Variants in PCNX2 observed in about 807,000 individuals in gnomAD.
PCNX2 encodes pecanex-like protein 2.
PCNX2 carries 168 observed loss-of-function variants against 223.8 expected under a neutral mutation model. That is an observed-to-expected ratio of 0.75 (90% CI 0.66 to 0.85). The LOEUF is 0.85. Among genes scored for constraint, PCNX2 ranks in the 40% least tolerant of loss-of-function variants. The pLI is 0.00. For synonymous variants in PCNX2, 1,006 were observed against 1,052.6 expected (o/e 0.96, Z 0.86); for missense variants, 2,507 against 2,675.5 (o/e 0.94, Z 1.39).
In PCNX2 at chr1:233,001,763, A is replaced by C; in HGVS notation, c.4953-82T>G. ...CAAAGTTTGAGTCTCCCATTTGTCT[A>C]AGAATTATCTTAACATTTAGGCTGA... On this transcript the variant is annotated intron_variant, in intron 28 of 33. Coordinates refer to ENST00000258229, the MANE Select transcript of PCNX2 (RefSeq NM_014801.4). This position sits in a 1 kb window ranked among gnomAD's most constrained non-coding sequence, Gnocchi z 4.2. 1.6e-6 allele frequency: 2 copies of C among 1,277,168 alleles called. No homozygotes were observed. The highest frequency in any genetic ancestry group is 2.1e-6 in the Non-Finnish European group (2 of 971,502). The allele number at this position is 1,277,168 out of a possible 1,614,324, so 79.1% of individuals were successfully genotyped here. A position where few individuals can be genotyped will look rare whatever the true frequency, so the allele number is the denominator to read the frequency against.
Position 233,259,229 on chromosome 1 carries a change from T to C in PCNX2, c.633A>G (p.Ser211=), listed in dbSNP as rs1659915148. ...TGGCAACTGGTTTTACAGGTATTAC[T>C]GACTTGGTCGTGGTTTCCAGCATGT... The part of the protein sequence containing the change: ...QAHMLETTTK[S]VIPVKPVATE... The change falls in exon 5 of 34, where the codon TCA becomes TCG. Residue 211 remains serine, a synonymous_variant. Coordinates refer to ENST00000258229, the MANE Select transcript of PCNX2 (RefSeq NM_014801.4). 1.2e-6 allele frequency: 2 copies of C among 1,613,974 alleles called. No homozygotes were observed. The highest frequency in any genetic ancestry group is 8.5e-7 in the Non-Finnish European group (1 of 1,179,884).
the PCNX2 span, among the ~76,000 whole-genome samples, chr1:233,309,208 A>G: frequency 6.6e-5 from 10 of 152,216 alleles, no homozygotes; most frequent in Non-Finnish European, 1.5e-4. Context: ...ATGAATGTCC[A>G]TGATCAAAAG....
chr1:233,244,287 CAAAACTTGTGTTCACATAGCTAGATACT>C (rs1209269832), intron 8 of PCNX2, among the ~76,000 whole-genome samples: 2 of 152,322 alleles, frequency 1.3e-5, no homozygotes, highest in East Asian at 3.9e-4. Flanking sequence ...AAGTCCGAGA[CAAAACTTGTGTTCACATAGCTAGATACT>C]AAACCTCTGA....
chr1:233,129,225 G>A (rs537768258), intron 21 of PCNX2, among the ~76,000 whole-genome samples: 34 of 152,304 alleles, frequency 2.2e-4, no homozygotes, highest in Middle Eastern at 3.4e-3. Context: ...GAGCGGCCCC[G>A]GGCAGTGAGG....
intron 28 of PCNX2, among the ~76,000 whole-genome samples, chr1:233,002,278 A>C (rs1670115531): frequency 6.6e-6 from 1 of 152,110 alleles, no homozygotes; most frequent in East Asian, 1.9e-4. Flanking sequence ...AGTGAGGCTT[A>C]AGAGGAAAGA....
chr1:232,996,955 T>C (rs1344823709), intron 32 of PCNX2, among the ~76,000 whole-genome samples: 2 of 149,922 alleles, frequency 1.3e-5, no homozygotes, highest in African/African-American at 4.9e-5. Context: ...AAAATGCAGA[T>C]CTGCGGAGCT....
intron 12 of PCNX2, chr1:233,211,834 G>C: frequency 1.0e-6 from 1 of 984,632 alleles, no homozygotes; most frequent in East Asian, 1.1e-4. Flanking sequence ...CAAATTCGGA[G>C]AATGAGGAAA....
chr1:233,064,879 A>G (rs879576083), intron 23 of PCNX2, among the ~76,000 whole-genome samples: 1 of 152,198 alleles, frequency 6.6e-6, no homozygotes, highest in Non-Finnish European at 1.5e-5. Flanking sequence ...CATACTGAAA[A>G]AATAGGAGTA....
In PCNX2 at chr1:233,295,258, T is replaced by C; in HGVS notation, c.153+68A>G. On this transcript the variant is annotated intron_variant, in intron 1 of 33. Transcript: ENST00000258229. The surrounding 1 kb of genome is among the most constrained non-coding windows in gnomAD (Gnocchi z 4.1). ...GAAAGCCCGTGAGGCTGATGGCACG[T>C]CTGTGGTTCCTTTCTCCTTCTTCCC... 7.1e-6 allele frequency: 11 copies of C among 1,547,438 alleles called. No individual in the cohort carries two copies. In the South Asian group the frequency reaches 1.3e-4, roughly 18 times the overall value.
chr1:233,090,633 G>A (rs774829491), intron 22 of PCNX2, among the ~76,000 whole-genome samples: 1 of 152,132 alleles, frequency 6.6e-6, no homozygotes, highest in Non-Finnish European at 1.5e-5. Flanking sequence ...CTTGAAGAAT[G>A]TTTTCCCACT....
chr1:232,984,332 G>A lies in PCNX2; in HGVS notation c.6386C>T (p.Ser2129Leu), dbSNP rs1187735255. 1.2e-6 allele frequency: 2 copies of A among 1,610,256 alleles called. No individual in the cohort carries two copies. The highest frequency in any genetic ancestry group is 2.7e-5 in the African/African-American group (2 of 74,672). ...CTGCTCGTCTGACACACTTTGCTGCGAGGCCGTGTCGTCCAGGCCCATGTC... is the reference window on the plus strand; with the variant it reads ...CTGCTCGTCTGACACACTTTGCTGCAAGGCCGTGTCGTCCAGGCCCATGTC... The part of the protein sequence containing the change: ...QEDMGLDDTA[S>L]QQSVSDEQ Residue 2129 changes from serine (S) to leucine (L), a missense_variant, in exon 34 of 34, where the codon TCG (serine) becomes TTG (leucine). Physicochemically the swap from Ser to Leu is moderately radical, Grantham distance 145. This residue lies in a region of PCNX2 where 1,372 missense variants were observed against 1,509.4 expected (regional missense o/e 0.91). Coordinates refer to ENST00000258229, the MANE Select transcript of PCNX2 (RefSeq NM_014801.4).
intron 15 of PCNX2, among the ~76,000 whole-genome samples, chr1:233,188,470 A>T (rs1663237994): frequency 6.6e-6 from 1 of 152,086 alleles, no homozygotes; most frequent in Non-Finnish European, 1.5e-5. Flanking sequence ...GGCTCTTCTG[A>T]TTAGGTCAGA....
chr1:233,079,227 TCTAAAA>T (rs1458701753), intron 23 of PCNX2, among the ~76,000 whole-genome samples: 1 of 152,090 alleles, frequency 6.6e-6, no homozygotes, highest in Non-Finnish European at 1.5e-5. Context: ...GCCATCACTC[TCTAAAA>T]CTAAAAGGTG....
chr1:233,106,772 C>A (rs1265142774), intron 21 of PCNX2, among the ~76,000 whole-genome samples: 1 of 152,130 alleles, frequency 6.6e-6, no homozygotes, highest in Non-Finnish European at 1.5e-5. Flanking sequence ...GCAAGATAAA[C>A]AATGTTAATG....
intron 1 of PCNX2, among the ~76,000 whole-genome samples, chr1:233,283,607 T>C (rs1661297059): frequency 1.3e-5 from 2 of 152,092 alleles, no homozygotes; most frequent in Admixed American, 1.3e-4. Flanking sequence ...AAAAGAATGA[T>C]GATAGGAATA....
chr1:232,984,267 G>A lies in PCNX2; in HGVS notation c.*37C>T. 1 of 1,540,414 alleles carries A rather than the reference G, an allele frequency of 6.5e-7. No individual in the cohort carries two copies. The highest frequency in any genetic ancestry group is 2.3e-5 in the East Asian group (1 of 42,578). ...AGGGAGAGCAATGCAGGTGGGAGGTGTGGGGGAGCCAGCCTCCCCGCCCGG... is the reference window on the plus strand; with the variant it reads ...AGGGAGAGCAATGCAGGTGGGAGGTATGGGGGAGCCAGCCTCCCCGCCCGG... On this transcript the variant is annotated 3_prime_UTR_variant, in exon 34 of 34. Coordinates refer to ENST00000258229, the MANE Select transcript of PCNX2 (RefSeq NM_014801.4).
intron 19 of PCNX2, among the ~76,000 whole-genome samples, chr1:233,145,540 C>T (rs1405368401): frequency 1.3e-5 from 2 of 151,942 alleles, no homozygotes; most frequent in Non-Finnish European, 2.9e-5. Context: ...CTGGAATGAC[C>T]CTGAGTCTTT....
chr1:233,112,478 A>G (rs1033771237), intron 21 of PCNX2, among the ~76,000 whole-genome samples: 2 of 152,216 alleles, frequency 1.3e-5, no homozygotes, highest in Non-Finnish European at 2.9e-5. Context: ...CCACTCAAGT[A>G]GCCTTTGTGC....
intron 21 of PCNX2, among the ~76,000 whole-genome samples, chr1:233,099,042 A>T (rs1674336143): frequency 6.6e-6 from 1 of 152,120 alleles, no homozygotes; most frequent in African/African-American, 2.4e-5. Context: ...AGGTCCTCTC[A>T]TTTTTCAGAG....
Sources: allele counts gnomAD v4.1 joint callset (sites outside exome capture counted in the v4.1 genomes callset), GRCh38; gene constraint gnomAD v4.1.1; regional missense constraint gnomAD v4.1.1; non-coding constraint Gnocchi (gnomAD v3.1); transcripts MANE v1.5; gene names NCBI Gene and HGNC (gene_info 2026-07-23, HGNC 2026-07-21).